Variants in CHEK2 observed in about 807,000 individuals in gnomAD.
CHEK2 encodes serine/threonine-protein kinase Chk2.
In CHEK2, 71 loss-of-function variants were observed where a neutral mutation model predicts 69.1. The ratio of observed to expected loss-of-function variants is 1.03; its 90% confidence interval spans 0.85 to 1.25. The LOEUF is 1.25. CHEK2 is among the 50% of genes most tolerant of loss of function. The pLI is 0.00. For missense variants in CHEK2, 664 were observed against 649.6 expected (o/e 1.02, Z -0.24); for synonymous variants, 189 against 226.9 (o/e 0.83, Z 1.50).
chr22:28,713,793 G>T (rs1257256380), intron 5 of CHEK2, among the ~76,000 whole-genome samples: 1 of 152,086 alleles, frequency 6.6e-6, no homozygotes, highest in Non-Finnish European at 1.5e-5. Flanking sequence ...CAATTCTCGT[G>T]CCTCAGCCTC....
intron 10 of CHEK2, 127 bp downstream of exon 10, chr22:28,696,774 A>G (rs1386634162): frequency 1.4e-6 from 1 of 701,534 alleles, no homozygotes; most frequent in Non-Finnish European, 2.6e-6. Context: ...TGATCTCTAA[A>G]ATAATTGGTA....
intron 9 of CHEK2, 97 bp from the exon 10 acceptor site, chr22:28,697,084 C>T (rs749233029): frequency 9.0e-6 from 7 of 782,002 alleles, no homozygotes; most frequent in African/African-American, 5.1e-5. Context: ...TGGGTGAAAC[C>T]GTAAGCCGTG....
intron 13 of CHEK2, among the ~76,000 whole-genome samples, chr22:28,693,164 C>G (rs1205440413): frequency 6.6e-6 from 1 of 152,170 alleles, no homozygotes; most frequent in Non-Finnish European, 1.5e-5. Flanking sequence ...GACCAGACAT[C>G]TATCAGAAAA....
At chr22:28,705,493 A>G (rs182690616) in intron 7 of CHEK2, among the ~76,000 whole-genome samples, 400 of 152,314 alleles carry the variant, frequency 2.6e-3, no homozygotes, top group Non-Finnish European at 4.2e-3. Flanking sequence ...AATGTTCCAA[A>G]ATCCAAAAAG....
In CHEK2 at chr22:28,734,628, A is replaced by C; in HGVS notation, c.94T>G (p.Ser32Ala). ...CTGGATATGCCCTGGGACTGTGAGGAGGAGCCTTGGGACTGGGTAACGCTG... is the reference window on the plus strand; with the variant it reads ...CTGGATATGCCCTGGGACTGTGAGGCGGAGCCTTGGGACTGGGTAACGCTG... The part of the protein sequence containing the change: ...HGSVTQSQGS[S>A]SQSQGISSSS... Residue 32 changes from serine to alanine, a missense_variant, in exon 2 of 15, where the codon TCC (serine) becomes GCC (alanine). By Grantham distance (99) the Ser-to-Ala change is moderately conservative. Transcript: ENST00000404276. 6.2e-7 allele frequency: 1 copy of C among 1,614,018 alleles called. No homozygotes were observed. Among genetic ancestry groups the C allele is most frequent in the Middle Eastern group, 1.6e-4 (1 of 6,062 alleles).
chr22:28,724,493 T>C (rs2053916335), intron 4 of CHEK2: 1 of 229,050 alleles, frequency 4.4e-6, no homozygotes, highest in Admixed American at 5.2e-5. Context: ...TAAAAATCTG[T>C]CTGGATGGAA....
intron 11 of CHEK2, 45 bp from the exon 12 acceptor site, chr22:28,695,287 T>C (rs1164608708): frequency 9.8e-6 from 10 of 1,023,758 alleles, no homozygotes; most frequent in Non-Finnish European, 1.4e-5. Context: ...CAAGTGGCAT[T>C]CTCAGTGGCA....
intron 4 of CHEK2, among the ~76,000 whole-genome samples, chr22:28,722,762 G>A (rs1371523212): frequency 1.3e-5 from 2 of 152,018 alleles, no homozygotes; most frequent in African/African-American, 4.8e-5. Context: ...CTGGAGGGCA[G>A]TGGCTATTTA....
chr22:28,735,739 G>A (rs988171775), intron 1 of CHEK2, among the ~76,000 whole-genome samples: 3 of 151,462 alleles, frequency 2.0e-5, no homozygotes, highest in East Asian at 3.9e-4. Context: ...AAAATTAGCC[G>A]GGTGTGGTGG....
At chr22:28,705,463 CAACCAGG>C (rs1315354501) in intron 7 of CHEK2, among the ~76,000 whole-genome samples, 2 of 152,104 alleles carry the variant, frequency 1.3e-5, no homozygotes, top group African/African-American at 4.8e-5. Context: ...CTGGAATATT[CAACCAGG>C]AAGTACAATG....
At chr22:28,736,079 C>T (rs2054394262) in intron 1 of CHEK2, among the ~76,000 whole-genome samples, 1 of 152,006 alleles carries the variant, frequency 6.6e-6, no homozygotes, top group Admixed American at 6.6e-5. Context: ...CAACTGTACC[C>T]TGACATAAGT....
chr22:28,740,070 G>A (rs1176580789), intron 1 of CHEK2, among the ~76,000 whole-genome samples: 5 of 151,706 alleles, frequency 3.3e-5, no homozygotes, highest in Non-Finnish European at 5.9e-5. Context: ...GCATGGTGGC[G>A]CGTGCCTGTA....
At chr22:28,739,927 G>A (rs1301240656) in intron 1 of CHEK2, among the ~76,000 whole-genome samples, 2 of 152,322 alleles carry the variant, frequency 1.3e-5, no homozygotes, top group South Asian at 2.1e-4. Flanking sequence ...TACTGGCCAT[G>A]TACAGTGGCT....
At chr22:28,708,890 T>C (rs2053272330) in intron 7 of CHEK2, 1 of 318,320 alleles carries the variant, frequency 3.1e-6, no homozygotes. Flanking sequence ...GAGGTGGAGC[T>C]TGCAGTGAGC....
At chr22:28,717,685 G>T (rs950196526) in intron 5 of CHEK2, among the ~76,000 whole-genome samples, 1 of 152,012 alleles carries the variant, frequency 6.6e-6, no homozygotes, top group South Asian at 2.1e-4. Flanking sequence ...GACCAGCCAG[G>T]CCAACATGGT....
At chr22:28,712,126 C>A (rs2053425046) in intron 5 of CHEK2, 109 bp from the exon 6 acceptor site, 50 of 748,460 alleles carry the variant, frequency 6.7e-5, no homozygotes, top group Non-Finnish European at 8.2e-5. Context: ...CATATAACAG[C>A]CTTTCCATTG....
At chr22:28,712,902 C>G (rs1423343910) in intron 5 of CHEK2, among the ~76,000 whole-genome samples, 1 of 152,188 alleles carries the variant, frequency 6.6e-6, no homozygotes, top group Non-Finnish European at 1.5e-5. Flanking sequence ...CCATCAGCAT[C>G]TAATTCCAGA....
intron 14 of CHEK2, among the ~76,000 whole-genome samples, 168 bp from the exon 15 acceptor site, chr22:28,688,154 C>G (rs17881275): frequency 6.6e-6 from 1 of 151,996 alleles, no homozygotes; most frequent in African/African-American, 2.4e-5. Context: ...CACCACAGCC[C>G]CCAACTCAGA....
chr22:28,741,734 C>G (rs1281642720), intron 1 of CHEK2, 35 bp downstream of exon 1: 2 of 318,212 alleles, frequency 6.3e-6, no homozygotes, highest in Non-Finnish European at 1.2e-5. Flanking sequence ...ATTCGAACCA[C>G]CAAACACCCA....
Sources: allele counts gnomAD v4.1 joint callset (sites outside exome capture counted in the v4.1 genomes callset), GRCh38; gene constraint gnomAD v4.1.1; transcripts MANE v1.5; gene names NCBI Gene and HGNC (gene_info 2026-07-23, HGNC 2026-07-21).